WDFY1: variants seen among roughly 807,000 people sequenced by gnomAD.
WDFY1 encodes the protein WD repeat and FYVE domain-containing protein 1.
Under a neutral mutation model 56.4 loss-of-function variants are expected in WDFY1, and 32 were observed. The observed-to-expected ratio is 0.57, with a 90% confidence interval of 0.43 to 0.76. WDFY1 has a LOEUF of 0.76. WDFY1 is among the 30% of genes least tolerant of loss of function. The probability of loss-of-function intolerance (pLI) is 0.00; values close to 1 mark genes in which losing one functional copy is unlikely to be tolerated. For synonymous variants in WDFY1, 192 were observed against 197.3 expected, an observed-to-expected ratio of 0.97 and a Z score of 0.23; for missense variants, 480 against 545.7, an observed-to-expected ratio of 0.88 and a Z score of 1.20.
chr2:223,884,830 A>C, intron 8 of WDFY1, 81 bp from the exon 9 acceptor site: 10 of 1,212,904 alleles, frequency 8.2e-6, no homozygotes, highest in African/African-American at 3.1e-5. Context: ...ACAGTTCTAG[A>C]CCTTGCCAAG....
chr2:223,891,464 C>G (rs994963818), intron 8 of WDFY1, among the ~76,000 whole-genome samples: 2 of 149,482 alleles, frequency 1.3e-5, no homozygotes, highest in African/African-American at 4.9e-5. Context: ...AATACATTTT[C>G]TCAGTTATTA....
At chr2:223,933,660 A>G (rs1295505481) in intron 1 of WDFY1, among the ~76,000 whole-genome samples, 5 of 151,880 alleles carry the variant, frequency 3.3e-5, no homozygotes. Context: ...TCTCTACAAA[A>G]AATAAAAATA....
intron 3 of WDFY1, 77 bp from the exon 4 acceptor site, chr2:223,906,078 T>C (rs1693595004): frequency 5.1e-6 from 6 of 1,181,304 alleles, no homozygotes; most frequent in East Asian, 2.6e-5. Flanking sequence ...CTTTCAAAAA[T>C]GAAGTAAAAT....
At chr2:223,921,569 T>C (rs1406097586) in intron 1 of WDFY1, among the ~76,000 whole-genome samples, 2 of 152,066 alleles carry the variant, frequency 1.3e-5, no homozygotes, top group East Asian at 1.9e-4. Flanking sequence ...CTAAAAGATA[T>C]GTATAGATAT....
At chr2:223,940,048 T>C (rs990036507) in intron 1 of WDFY1, among the ~76,000 whole-genome samples, 1 of 152,200 alleles carries the variant, frequency 6.6e-6, no homozygotes, top group South Asian at 2.1e-4. Flanking sequence ...TGTAAAAAGC[T>C]ACTGGCTCAT....
chr2:223,917,867 C>T (rs1693815456), intron 2 of WDFY1, 76 bp downstream of exon 2: 19 of 1,568,662 alleles, frequency 1.2e-5, no homozygotes, highest in Non-Finnish European at 1.7e-5. Flanking sequence ...CCACCATGCT[C>T]AGCCGACATT....
At chr2:223,901,417 C>T (rs1418116920) in intron 4 of WDFY1, 84 bp from the exon 5 acceptor site, 9 of 1,515,928 alleles carry the variant, frequency 5.9e-6, no homozygotes, top group South Asian at 1.2e-5. Context: ...TCTCAATCTG[C>T]TCAGCCAGGG....
intron 8 of WDFY1, among the ~76,000 whole-genome samples, chr2:223,892,052 G>A (rs1693288343): frequency 1.3e-5 from 2 of 152,126 alleles, no homozygotes; most frequent in South Asian, 4.1e-4. Context: ...TTGGCTCACT[G>A]CAACCTCTGC....
intron 2 of WDFY1, among the ~76,000 whole-genome samples, chr2:223,914,795 A>C (rs1488182295): frequency 6.6e-6 from 1 of 152,250 alleles, no homozygotes; most frequent in Non-Finnish European, 1.5e-5. Context: ...TTACCAAAAA[A>C]AGGCATGAAG....
intron 1 of WDFY1, among the ~76,000 whole-genome samples, chr2:223,934,763 C>T (rs145665316): frequency 0.015 from 2,304 of 152,280 alleles, 63 homozygotes; most frequent in African/African-American, 0.05. Flanking sequence ...TCAGGTGATC[C>T]ACCTGCCTCG....
intron 1 of WDFY1, among the ~76,000 whole-genome samples, chr2:223,920,422 G>T (rs756020310): frequency 2.0e-5 from 3 of 152,202 alleles, no homozygotes; most frequent in Non-Finnish European, 4.4e-5. Flanking sequence ...TCCTAAGAAG[G>T]AAATATTAAT....
intron 8 of WDFY1, among the ~76,000 whole-genome samples, chr2:223,889,820 C>T (rs632138): frequency 0.93 from 141,679 of 152,334 alleles, 65,954 homozygotes; most frequent in South Asian, 0.96. Context: ...CAGAATACTA[C>T]GTGGCATACA....
chr2:223,925,641 A>C (rs186766652), intron 1 of WDFY1, among the ~76,000 whole-genome samples: 8 of 152,222 alleles, frequency 5.3e-5, no homozygotes, highest in Non-Finnish European at 1.0e-4. Context: ...GTAGCATGCA[A>C]TGCAATTTAA....
chr2:223,919,838 G>A (rs979704521), intron 1 of WDFY1, among the ~76,000 whole-genome samples: 4 of 152,192 alleles, frequency 2.6e-5, no homozygotes, highest in African/African-American at 4.8e-5. Context: ...CATAGGCAGC[G>A]TGTCCTGGAG....
intron 5 of WDFY1, among the ~76,000 whole-genome samples, chr2:223,899,515 C>T (rs1383892286): frequency 2.6e-5 from 4 of 152,132 alleles, no homozygotes; most frequent in African/African-American, 4.8e-5. Context: ...GAGGCTGAGG[C>T]GGGCAGATCA....
intron 1 of WDFY1, among the ~76,000 whole-genome samples, chr2:223,935,087 G>A (rs754620529): frequency 5.9e-5 from 9 of 152,122 alleles, no homozygotes; most frequent in Non-Finnish European, 8.8e-5. Context: ...AGGTATCCCA[G>A]GAATTCCATA....
chr2:223,911,643 G>A (rs866181906), intron 3 of WDFY1, among the ~76,000 whole-genome samples: 62 of 149,908 alleles, frequency 4.1e-4, no homozygotes, highest in Middle Eastern at 3.4e-3. Flanking sequence ...CCACCATCAC[G>A]GCTAAGGGAT....
At chr2:223,894,507 A>G in intron 7 of WDFY1, 168 bp from the exon 8 acceptor site, 4 of 635,190 alleles carry the variant, frequency 6.3e-6, no homozygotes, top group Admixed American at 2.7e-5. Flanking sequence ...TTGGCATTTT[A>G]TAACTCATAA....
intron 2 of WDFY1, among the ~76,000 whole-genome samples, chr2:223,913,097 C>T (rs541955846): frequency 2.1e-4 from 31 of 150,496 alleles, no homozygotes; most frequent in African/African-American, 5.1e-4. Context: ...TCATAAAAGA[C>T]GGGTGGGTAG....
Sources: allele counts gnomAD v4.1 joint callset (sites outside exome capture counted in the v4.1 genomes callset), GRCh38; gene constraint gnomAD v4.1.1; transcripts MANE v1.5; gene names NCBI Gene and HGNC (gene_info 2026-07-23, HGNC 2026-07-21).